Variants in ABL2 observed in about 807,000 individuals in gnomAD.
ABL2 encodes the protein ABL proto-oncogene 2, non-receptor tyrosine kinase, also known as tyrosine-protein kinase ABL2.
In ABL2, 49 loss-of-function variants were observed where a neutral mutation model predicts 107.7. The ratio of observed to expected loss-of-function variants is 0.45; its 90% CI spans 0.36 to 0.58. The LOEUF (loss-of-function observed/expected upper bound fraction) is 0.58. Among genes scored for constraint, ABL2 ranks in the 20% least tolerant of loss-of-function variants. The pLI, the probability that ABL2 is intolerant of heterozygous loss-of-function variation, is 0.00. For missense variants in ABL2, 1,245 were observed against 1,457.0 expected (o/e 0.85, Z 2.37); for synonymous variants, 549 against 548.6 (o/e 1.00, Z -0.01).
At chr1:179,120,049 T>C in intron 6 of ABL2, 141 bp downstream of exon 6, 1 of 506,538 alleles carries the variant, frequency 2.0e-6, no homozygotes, top group Non-Finnish European at 3.5e-6. Context: ...GGCGGAAGTA[T>C]CACGTCAACA....
intron 1 of ABL2, among the ~76,000 whole-genome samples, chr1:179,167,889 G>A (rs536869852): frequency 3.9e-5 from 6 of 152,260 alleles, no homozygotes; most frequent in Non-Finnish European, 5.9e-5. Context: ...ACTGAGGCAG[G>A]AGAAACTTTA....
chr1:179,122,730 T>C (rs911028768), intron 4 of ABL2, among the ~76,000 whole-genome samples: 1 of 152,068 alleles, frequency 6.6e-6, no homozygotes, highest in Non-Finnish European at 1.5e-5. Flanking sequence ...CTCAGCTCAC[T>C]GCAACCTCCG....
In ABL2 at chr1:179,135,105, C is replaced by T. The variant is rs1249317873; in HGVS notation, c.158-1731G>A. Among the ~76,000 whole-genome samples, 3 of 152,226 alleles carry T rather than the reference C, an allele frequency of 2.0e-5. No individual in the cohort carries two copies. The East Asian group carries it at 5.8e-4, about 29-fold the overall frequency. On this transcript the variant is annotated intron_variant, in intron 1 of 11. Coordinates refer to ENST00000502732, the MANE Select transcript of ABL2 (RefSeq NM_007314.4). ...CAACCTCCACCTCCCAGCAGCCTGC[C>T]TTGGCCTCCCAAAGTGCCGAGATTG...
chr1:179,217,113 TG>T (rs1197960528), intron 1 of ABL2, among the ~76,000 whole-genome samples: 2 of 151,376 alleles, frequency 1.3e-5, no homozygotes, highest in Non-Finnish European at 2.9e-5. Flanking sequence ...CTGGCCAACG[TG>T]GTGAAACCGT....
rs1462026897 is a variant in ABL2 at position 179,104,861 on chromosome 1, T to C, written c.*2857A>G. 4.6e-6 allele frequency: 1 copy of C among 219,552 alleles called. No homozygotes were observed. The highest frequency in any genetic ancestry group is 9.1e-6 in the Non-Finnish European group (1 of 109,634). 13.6% of individuals were successfully genotyped at this position (219,552 alleles called of 1,614,324 possible). On this transcript the variant is annotated 3_prime_UTR_variant, in exon 12 of 12. Transcript: ENST00000502732. ...CCTTTGCTCATTGCTTTTAGAATAGTTAAAATTAAACTACACTTTTCCAGA... is the reference window on the plus strand; with the variant it reads ...CCTTTGCTCATTGCTTTTAGAATAGCTAAAATTAAACTACACTTTTCCAGA...
intron 1 of ABL2, among the ~76,000 whole-genome samples, chr1:179,211,791 G>A (rs1295554298): frequency 1.2e-4 from 16 of 136,062 alleles, no homozygotes; most frequent in South Asian, 2.3e-4. Context: ...AATCCTTCTC[G>A]AAAAAAAAAA....
At position 179,229,426 on chromosome 1, in the gene ABL2, G is replaced by A. The variant is rs2124889587; in HGVS notation, c.-29C>T. ...TGCTCTCGCGTACTCCCGCGCCCCC[G>A]CCGACCCCTGGTCACATTCCTCCTC... On this transcript the variant is annotated 5_prime_UTR_variant, in exon 1 of 12. Coordinates refer to ENST00000502732, the MANE Select transcript of ABL2 (RefSeq NM_007314.4). The A allele has an allele frequency of 1.4e-6, 2 of 1,476,608 alleles. No homozygotes were observed. Among genetic ancestry groups the A allele is most frequent in the South Asian group, 2.8e-5 (2 of 72,202 alleles). 91.5% of individuals were successfully genotyped at this position (1,476,608 alleles called of 1,614,324 possible).
At chr1:179,133,395 C>G in intron 1 of ABL2, 21 bp from the exon 2 acceptor site, 4 of 1,614,020 alleles carry the variant, frequency 2.5e-6, no homozygotes, top group Non-Finnish European at 3.4e-6. Flanking sequence ...AAAAAATTGA[C>G]CACGTCACTT....
At chr1:179,138,247 C>A (rs1275416299) in intron 1 of ABL2, among the ~76,000 whole-genome samples, 1 of 152,094 alleles carries the variant, frequency 6.6e-6, no homozygotes, top group Non-Finnish European at 1.5e-5. Context: ...GGAGAGTTTT[C>A]CAGTGGCTGT....
intron 1 of ABL2, among the ~76,000 whole-genome samples, chr1:179,170,422 C>CTT (rs796159869): frequency 3.3e-4 from 48 of 146,274 alleles, no homozygotes; most frequent in African/African-American, 1.2e-3. Flanking sequence ...TTAAAGAATG[C>CTT]TTTTTTTTTT....
intron 1 of ABL2, among the ~76,000 whole-genome samples, chr1:179,207,553 CTT>C (rs1662046158): frequency 6.6e-6 from 1 of 152,066 alleles, no homozygotes; most frequent in Non-Finnish European, 1.5e-5. Flanking sequence ...ACAGCTATAA[CTT>C]TTTGAGTACT....
rs187364738 is a variant in ABL2, at chr1:179,102,734, C to G, written c.*4984G>C. 1.5e-4 allele frequency: 34 copies of G among 229,814 alleles called. No homozygotes were observed. The East Asian group carries it at 2.1e-3, about 14-fold the overall frequency. The allele number at this position is 229,814 out of a possible 1,614,324, so 14.2% of individuals were successfully genotyped here. A position where few individuals can be genotyped will look rare whatever the true frequency, so the allele number is the denominator to read the frequency against. On this transcript the variant is annotated 3_prime_UTR_variant, in exon 12 of 12. Coordinates refer to ENST00000502732, the MANE Select transcript of ABL2 (RefSeq NM_007314.4). Reference sequence around the variant, plus strand: ...ACATCAGTAGCAAAATGGAAGGGAGCAGAAGGGGTCATAATGAAATGTAGC... The same window carrying G: ...ACATCAGTAGCAAAATGGAAGGGAGGAGAAGGGGTCATAATGAAATGTAGC...
At chr1:179,201,665 T>C in intron 1 of ABL2, 1 of 550,032 alleles carries the variant, frequency 1.8e-6, no homozygotes, top group Non-Finnish European at 3.4e-6. Context: ...GCGTGTCCTC[T>C]TGTGCACATG....
chr1:179,110,178 C>T, intron 11 of ABL2, 104 bp downstream of exon 11: 2 of 1,372,246 alleles, frequency 1.5e-6, no homozygotes, highest in Non-Finnish European at 2.1e-6. Context: ...GCCATGCTTT[C>T]CCCAGGGAGG....
intron 1 of ABL2, among the ~76,000 whole-genome samples, chr1:179,204,516 C>T (rs184382186): frequency 2.0e-5 from 3 of 151,606 alleles, no homozygotes; most frequent in African/African-American, 4.8e-5. Flanking sequence ...GAGGCCGAGG[C>T]GGGCAGATCA....
rs939763830 is a variant in ABL2, at chr1:179,152,689, T to A, written c.158-19315A>T. Among the ~76,000 whole-genome samples the A allele has an allele frequency of 5.9e-5, 9 of 152,352 alleles. 1 individual carries two copies. In the South Asian group the frequency reaches 1.9e-3, roughly 32 times the overall value. ...AAGCAACAAGGAATCATTCTAGGTT[T>A]GTGAGTAGTAGCAGCACAATGTGCT... On this transcript the variant is annotated intron_variant, in intron 1 of 11. Coordinates refer to ENST00000502732, the MANE Select transcript of ABL2 (RefSeq NM_007314.4).
At chr1:179,139,289 A>G (rs1657351381) in intron 1 of ABL2, among the ~76,000 whole-genome samples, 1 of 152,062 alleles carries the variant, frequency 6.6e-6, no homozygotes, top group Non-Finnish European at 1.5e-5. Context: ...GGAGGAACGA[A>G]CAACTCCAAA....
At chr1:179,210,907 G>A (rs1213308585) in intron 1 of ABL2, among the ~76,000 whole-genome samples, 1 of 151,728 alleles carries the variant, frequency 6.6e-6, no homozygotes, top group Non-Finnish European at 1.5e-5. Flanking sequence ...CTGCCAGGAA[G>A]AAAGAATAAA....
chr1:179,223,853 T>C (rs1663018921), intron 1 of ABL2, among the ~76,000 whole-genome samples: 2 of 149,440 alleles, frequency 1.3e-5, no homozygotes, highest in South Asian at 2.1e-4. Flanking sequence ...ACTGGCCGGG[T>C]GCGGTGGCTC....
Sources: gnomAD v4.1 joint callset for allele counts (sites outside exome capture counted in the v4.1 genomes callset) on GRCh38, gnomAD v4.1.1 for gene constraint, MANE v1.5 for transcripts, NCBI Gene and HGNC (gene_info 2026-07-23, HGNC 2026-07-21) for gene names.